The following CLEC4A variants were observed in gnomAD, a reference collection of about 807,000 sequenced individuals.
CLEC4A encodes C-type (calcium dependent, carbohydrate-recognition domain) lectin, superfamily member 6.
In CLEC4A, 27 loss-of-function variants were observed where a neutral mutation model predicts 32.7. The ratio of observed to expected loss-of-function variants is 0.83; its 90% CI spans 0.61 to 1.14. CLEC4A has a LOEUF of 1.14. CLEC4A is among the 50% of genes most tolerant of loss of function. The pLI is 0.00. For missense variants in CLEC4A, 253 were observed against 274.6 expected (o/e 0.92, Z 0.55); for synonymous variants, 89 against 93.7 (o/e 0.95, Z 0.29).
rs1565402338 is a variant in CLEC4A, at chr12:8,123,902, T to G, written c.24T>G (p.Ala8=). Residue 8 remains alanine, a synonymous_variant, in exon 1 of 6, where the codon GCT becomes GCG. Transcript: ENST00000229332. ...TTATGACTTCGGAAATCACTTATGC[T>G]GAAGTGAGGTTCAAAAATGAATTCA... The part of the protein sequence containing the change: MTSEITY[A]EVRFKNEFKS... 3.1e-6 allele frequency: 5 copies of G among 1,612,016 alleles called. No homozygotes were observed. Among genetic ancestry groups the G allele is most frequent in the Non-Finnish European group, 4.2e-6 (5 of 1,178,046 alleles).
chr12:8,112,567 A>G, the CLEC4A span, among the ~76,000 whole-genome samples: 1 of 151,580 alleles, frequency 6.6e-6, no homozygotes, highest in African/African-American at 2.4e-5. Context: ...CTCTTTTCAT[A>G]TATTTATTTA....
At chr12:8,122,445 G>A (rs1044968612), upstream of CLEC4A, among the ~76,000 whole-genome samples, 2 of 151,164 alleles carry the variant, frequency 1.3e-5, no homozygotes, top group Non-Finnish European at 3.0e-5. Context: ...CAGGGTGAGG[G>A]GGATGTTTGT....
At chr12:8,130,513 AG>A (rs1231615365) in intron 3 of CLEC4A, among the ~76,000 whole-genome samples, 1 of 151,834 alleles carries the variant, frequency 6.6e-6, no homozygotes. Flanking sequence ...CTGGGATCAA[AG>A]GTGCCCACTA....
At position 8,123,841 on chromosome 12, in the gene CLEC4A, A is replaced by G. The variant is rs1420039724; in HGVS notation, c.-38A>G. 3 of 1,421,552 alleles carry G rather than the reference A, an allele frequency of 2.1e-6. No individual in the cohort carries two copies. The highest frequency in any genetic ancestry group is 2.0e-6 in the Non-Finnish European group (2 of 1,005,868). 88.1% of individuals were successfully genotyped at this position (1,421,552 alleles called of 1,614,324 possible). A position where few individuals can be genotyped will look rare whatever the true frequency, so the allele number is the denominator to read the frequency against. On this transcript the variant is annotated 5_prime_UTR_variant, in exon 1 of 6. Transcript: ENST00000229332. ...TAAGATGTTTTAAGAAAGATCTGAA[A>G]CAGATTTTCTGAAGAAAGCAGAAGC...
At chr12:8,103,373 G>GTTTTTTTTTTTTT in the CLEC4A span, among the ~76,000 whole-genome samples, 47 of 77,996 alleles carry the variant, frequency 6.0e-4, 4 homozygotes, top group African/African-American at 9.4e-4. Context: ...GTTTCTTTCT[G>GTTTTTTTTTTTTT]TTGTTTTTTT....
intron 3 of CLEC4A, among the ~76,000 whole-genome samples, chr12:8,132,945 C>T (rs377254133): frequency 2.0e-5 from 3 of 151,724 alleles, no homozygotes; most frequent in Non-Finnish European, 2.9e-5. Flanking sequence ...GACGAAGTCT[C>T]GCTCTGTTGC....
At chr12:8,132,578 A>C (rs1425735251) in intron 3 of CLEC4A, among the ~76,000 whole-genome samples, 1 of 152,212 alleles carries the variant, frequency 6.6e-6, no homozygotes, top group African/African-American at 2.4e-5. Flanking sequence ...GTTTCAGCAT[A>C]TGTTCCAGAG....
chr12:8,125,524 C>G, intron 1 of CLEC4A, 37 bp from the exon 2 acceptor site: 1 of 1,235,392 alleles, frequency 8.1e-7, no homozygotes. Flanking sequence ...AAAGACCAAA[C>G]TTATTACTGA....
chr12:8,103,373 GTTGTTTTTT>G, the CLEC4A span, among the ~76,000 whole-genome samples: 185 of 78,024 alleles, frequency 2.4e-3, 31 homozygotes, highest in Middle Eastern at 0.034. Context: ...GTTTCTTTCT[GTTGTTTTTT>G]TTTTTTTTTT....
At chr12:8,119,869 A>G (rs117078140), upstream of CLEC4A, among the ~76,000 whole-genome samples, 1,366 of 152,244 alleles carry the variant, frequency 9.0e-3, 12 homozygotes, top group Middle Eastern at 0.017. Flanking sequence ...CTCCTGATCA[A>G]CTGACTACAA....
At chr12:8,119,123 G>A (rs1170699722), upstream of CLEC4A, among the ~76,000 whole-genome samples, 4 of 152,226 alleles carry the variant, frequency 2.6e-5, no homozygotes, top group South Asian at 2.1e-4. Flanking sequence ...TAACATGGAT[G>A]AACCTCAAAA....
At chr12:8,126,859 A>G (rs926568132) in intron 2 of CLEC4A, among the ~76,000 whole-genome samples, 1 of 152,216 alleles carries the variant, frequency 6.6e-6, no homozygotes, top group Non-Finnish European at 1.5e-5. Context: ...GTAAGTATGC[A>G]TGACTGGAAC....
At chr12:8,114,128 T>C in the CLEC4A span, among the ~76,000 whole-genome samples, 1 of 152,218 alleles carries the variant, frequency 6.6e-6, no homozygotes, top group Non-Finnish European at 1.5e-5. Flanking sequence ...GGTGAAGATA[T>C]GATACCTACA....
chr12:8,117,039 C>A, the CLEC4A span, among the ~76,000 whole-genome samples: 1 of 152,176 alleles, frequency 6.6e-6, no homozygotes, highest in African/African-American at 2.4e-5. Flanking sequence ...TCTCTTCAGC[C>A]TGCAGCTACA....
intron 3 of CLEC4A, chr12:8,134,042 T>G (rs1408076079): frequency 1.9e-6 from 3 of 1,598,588 alleles, no homozygotes; most frequent in Admixed American, 3.5e-5. Flanking sequence ...GACCACATCC[T>G]TCTCCAGCCC....
Position 8,136,527 on chromosome 12 carries a change from G to A in CLEC4A, c.451-261G>A, listed in dbSNP as rs550812281. On this transcript the variant is annotated intron_variant, in intron 4 of 5. Transcript: ENST00000229332. Reference sequence around the variant, plus strand: ...TGCAGTGAGCCAAGATTGCACCACTGCACTCCAGCCTGGGACAGAAAGTGA... The same window carrying A: ...TGCAGTGAGCCAAGATTGCACCACTACACTCCAGCCTGGGACAGAAAGTGA... 9.0e-4 allele frequency among the ~76,000 whole-genome samples: 128 copies of A among 142,730 alleles called. 1 individual carries two copies. The highest frequency in any genetic ancestry group is 1.5e-3 in the Non-Finnish European group (100 of 66,872). 93.6% of individuals were successfully genotyped at this position (142,730 alleles called of 152,430 possible).
chr12:8,111,178 CTT>C, the CLEC4A span, among the ~76,000 whole-genome samples: 710 of 100,270 alleles, frequency 7.1e-3, 3 homozygotes, highest in Non-Finnish European at 7.9e-3. Context: ...GGCCCAACAT[CTT>C]TTTTTTTTTT....
chr12:8,133,733 C>A (rs1424726580), intron 3 of CLEC4A: 63 of 1,585,822 alleles, frequency 4.0e-5, no homozygotes, highest in Middle Eastern at 2.0e-4. Flanking sequence ...CTAGCTCCTC[C>A]CCTCCCCCTG....
At chr12:8,122,474 G>C (rs745652571), upstream of CLEC4A, among the ~76,000 whole-genome samples, 2 of 150,758 alleles carry the variant, frequency 1.3e-5, no homozygotes, top group East Asian at 4.0e-4. Flanking sequence ...GTTCATGGGG[G>C]TGGGGAGTGG....
Sources: gnomAD v4.1 joint callset for allele counts (sites outside exome capture counted in the v4.1 genomes callset) on GRCh38, gnomAD v4.1.1 for gene constraint, MANE v1.5 for transcripts, NCBI Gene and HGNC (gene_info 2026-07-23, HGNC 2026-07-21) for gene names.